The following COL26A1 variants were observed in gnomAD, a reference collection of about 807,000 sequenced individuals.
COL26A1 encodes collagen type XXVI alpha 1 chain, also known as collagen alpha-1(XXVI) chain.
In COL26A1, 41 loss-of-function variants were observed where a neutral mutation model predicts 59.3. The observed-to-expected ratio is 0.69, with a 90% CI of 0.54 to 0.90. The LOEUF (loss-of-function observed/expected upper bound fraction) is 0.90. Among genes scored for constraint, COL26A1 ranks in the 40% least tolerant of loss-of-function variants. COL26A1 has a pLI of 0.00. For synonymous variants in COL26A1, 266 were observed against 256.0 expected, an observed-to-expected ratio of 1.04 and a Z score of -0.37; for missense variants, 612 against 602.3, an observed-to-expected ratio of 1.02 and a Z score of -0.17.
At chr7:101,530,605 G>GC (rs1795345604) in intron 3 of COL26A1, among the ~76,000 whole-genome samples, 4 of 138,178 alleles carry the variant, frequency 2.9e-5, no homozygotes, top group African/African-American at 1.1e-4. Context: ...GGCACTGAAA[G>GC]CCCCCTGGAC....
At chr7:101,476,177 T>TGA (rs1031146747) in intron 3 of COL26A1, among the ~76,000 whole-genome samples, 1 of 143,282 alleles carries the variant, frequency 7.0e-6, no homozygotes, top group South Asian at 2.2e-4. Flanking sequence ...TGTGTGTGTG[T>TGA]GAGTAGAGAT....
rs1052481738 is a variant in COL26A1 at position 101,532,899 on chromosome 7, A to G, written c.386-183A>G. 7.2e-5 allele frequency among the ~76,000 whole-genome samples: 11 copies of G among 152,236 alleles called. 1 individual carries two copies. The highest frequency in any genetic ancestry group is 5.9e-4 in the Admixed American group (9 of 15,282). The stretch of plus-strand genomic sequence containing the variant: ...GCTCAGAAGGGAGGCTCAGTGGTCC[A>G]GCAGGCTGCATGGAGGAGGGGGCTC... On this transcript the variant is annotated intron_variant, in intron 3 of 12. Coordinates refer to ENST00000313669, the MANE Select transcript of COL26A1 (RefSeq NM_001278563.3).
At chr7:101,495,586 T>A (rs2130543474) in intron 3 of COL26A1, among the ~76,000 whole-genome samples, 1 of 151,774 alleles carries the variant, frequency 6.6e-6, no homozygotes, top group East Asian at 2.0e-4. Context: ...TTTTATTTTT[T>A]ATTTTTTTAT....
intron 1 of COL26A1, among the ~76,000 whole-genome samples, chr7:101,415,657 G>T (rs536778733): frequency 1.3e-5 from 2 of 151,504 alleles, no homozygotes; most frequent in Admixed American, 1.3e-4. Context: ...TTGAGACAGG[G>T]TCTGGCTCTG....
chr7:101,380,188 C>T (rs1405529903), intron 1 of COL26A1, among the ~76,000 whole-genome samples: 1 of 151,726 alleles, frequency 6.6e-6, no homozygotes, highest in Non-Finnish European at 1.5e-5. Flanking sequence ...GATGGGGTTT[C>T]ACTATATTGG....
intron 3 of COL26A1, among the ~76,000 whole-genome samples, chr7:101,475,777 TTTCTTTCTTTCC>T (rs749079430): frequency 2.0e-4 from 22 of 108,754 alleles, no homozygotes; most frequent in African/African-American, 1.2e-3. Flanking sequence ...TCTTTCTTTC[TTTCTTTCTTTCC>T]TTCCTTCCTT....
Position 101,494,285 on chromosome 7 carries a change from C to T in COL26A1, c.386-38797C>T, listed in dbSNP as rs551536955. ...GGGATTCCAGGCACTTGCCACCATG[C>T]CCGGCTAATTTTTGTATTTTTAGTA... On this transcript the variant is annotated intron_variant, in intron 3 of 12. Transcript: ENST00000313669. Among the ~76,000 whole-genome samples the T allele has an allele frequency of 1.6e-4, 25 of 152,228 alleles. No individual in the cohort carries two copies. The South Asian group carries it at 5.0e-3, about 30-fold the overall frequency.
intron 3 of COL26A1, among the ~76,000 whole-genome samples, chr7:101,499,625 A>C (rs1031792693): frequency 2.0e-5 from 3 of 152,164 alleles, no homozygotes; most frequent in African/African-American, 7.2e-5. Flanking sequence ...TGGAGGTTAC[A>C]GTGAGCTGAG....
intron 1 of COL26A1, among the ~76,000 whole-genome samples, chr7:101,407,929 T>A (rs899662334): frequency 2.0e-5 from 3 of 152,142 alleles, no homozygotes; most frequent in African/African-American, 7.2e-5. Context: ...ACCATTAAGA[T>A]GGGTATAAAT....
chr7:101,399,459 G>A lies in COL26A1; in HGVS notation c.159-20518G>A, dbSNP rs563977295. Among the ~76,000 whole-genome samples, 13 of 152,194 alleles carry A rather than the reference G, an allele frequency of 8.5e-5. No homozygotes were observed. In the South Asian group the frequency reaches 2.7e-3, roughly 32 times the overall value. On this transcript the variant is annotated intron_variant, in intron 1 of 12. Coordinates refer to ENST00000313669, the MANE Select transcript of COL26A1 (RefSeq NM_001278563.3). ...CTGCCTCAGCCTCCTGAGTAGCTAG[G>A]ATTACAGGTGTGCACCACCACACCT... is the stretch of plus-strand genomic sequence containing the variant.
chr7:101,542,447 G>T (rs1016904967), intron 5 of COL26A1, among the ~76,000 whole-genome samples: 2 of 152,174 alleles, frequency 1.3e-5, no homozygotes, highest in Admixed American at 1.3e-4. Flanking sequence ...AAGCCTTGAG[G>T]TTACAGGGGA....
chr7:101,385,365 G>GTATATATATATATATATATATATATATA (rs1348015379), intron 1 of COL26A1, among the ~76,000 whole-genome samples: 2 of 123,006 alleles, frequency 1.6e-5, no homozygotes, highest in East Asian at 2.3e-4. Context: ...ATATATATGT[G>GTATATATATATATATATATATATATATA]TGTATATATA....
intron 3 of COL26A1, among the ~76,000 whole-genome samples, chr7:101,497,485 G>A (rs1794615341): frequency 6.6e-6 from 1 of 151,898 alleles, no homozygotes; most frequent in Admixed American, 6.6e-5. Context: ...GACCAGCCTC[G>A]GCAACATAGC....
At chr7:101,378,448 G>A (rs896922704) in intron 1 of COL26A1, among the ~76,000 whole-genome samples, 1 of 152,080 alleles carries the variant, frequency 6.6e-6, no homozygotes, top group African/African-American at 2.4e-5. Flanking sequence ...CTTGAACCGG[G>A]GAGGCAGAGG....
chr7:101,496,174 C>T (rs1794581969), intron 3 of COL26A1, among the ~76,000 whole-genome samples: 1 of 152,190 alleles, frequency 6.6e-6, no homozygotes, highest in African/African-American at 2.4e-5. Context: ...TTGCATTTCC[C>T]AAGACCATCT....
chr7:101,401,883 G>A (rs1792016484), intron 1 of COL26A1, among the ~76,000 whole-genome samples: 1 of 152,118 alleles, frequency 6.6e-6, no homozygotes, highest in African/African-American at 2.4e-5. Context: ...TGCAGGATCT[G>A]GTGGTGTCGA....
At chr7:101,472,900 C>T (rs139933717) in intron 3 of COL26A1, among the ~76,000 whole-genome samples, 18 of 151,588 alleles carry the variant, frequency 1.2e-4, no homozygotes, top group Admixed American at 2.0e-4. Context: ...TGCGTTTCCC[C>T]GACATGGCGT....
At chr7:101,556,311 C>G (rs1459047095) in intron 12 of COL26A1, among the ~76,000 whole-genome samples, 2 of 152,208 alleles carry the variant, frequency 1.3e-5, no homozygotes, top group Non-Finnish European at 2.9e-5. Flanking sequence ...CTGGGAGTCC[C>G]TTGTGCAGAA....
At chr7:101,556,143 C>A (rs1795971230) in intron 12 of COL26A1, among the ~76,000 whole-genome samples, 1 of 152,224 alleles carries the variant, frequency 6.6e-6, no homozygotes, top group African/African-American at 2.4e-5. Flanking sequence ...ACCTCCATGC[C>A]TTTGCTCGGG....
Sources: gnomAD v4.1 joint callset for allele counts (sites outside exome capture counted in the v4.1 genomes callset) on GRCh38, gnomAD v4.1.1 for gene constraint, MANE v1.5 for transcripts, NCBI Gene and HGNC (gene_info 2026-07-23, HGNC 2026-07-21) for gene names.